Variants in STAG1 observed in about 807,000 individuals in gnomAD.
STAG1 encodes STAG1 cohesin complex component.
A neutral mutation model predicts 170.9 loss-of-function variants in STAG1; 26 were observed. The ratio of observed to expected loss-of-function variants is 0.15; its 90% CI spans 0.11 to 0.21. The LOEUF (loss-of-function observed/expected upper bound fraction) is 0.21. Among genes scored for constraint, STAG1 ranks in the 10% least tolerant of loss-of-function variants. The probability of loss-of-function intolerance (pLI) is 1.00; values close to 1 mark genes in which losing one functional copy is unlikely to be tolerated. For synonymous variants in STAG1, 514 were observed against 497.7 expected, an observed-to-expected ratio of 1.03 and a Z score of -0.44; for missense variants, 964 against 1,509.5, an observed-to-expected ratio of 0.64 and a Z score of 5.99.
intron 12 of STAG1, among the ~76,000 whole-genome samples, chr3:136,471,783 A>G (rs576645601): frequency 6.6e-6 from 1 of 152,196 alleles, no homozygotes; most frequent in African/African-American, 2.4e-5. Context: ...AAAGAAGCCT[A>G]TTTGGGAAAC....
chr3:136,674,779 A>G (rs1254988885), intron 1 of STAG1, among the ~76,000 whole-genome samples: 1 of 152,176 alleles, frequency 6.6e-6, no homozygotes, highest in East Asian at 1.9e-4. Flanking sequence ...TGTCAATTCT[A>G]ACTCAATAAA....
chr3:136,409,617 G>A (rs2087570645), intron 21 of STAG1, among the ~76,000 whole-genome samples: 1 of 152,092 alleles, frequency 6.6e-6, no homozygotes, highest in Non-Finnish European at 1.5e-5. Flanking sequence ...GATTACAGCT[G>A]TGAGTCACTG....
At chr3:136,615,795 GA>G (rs1243821857) in intron 3 of STAG1, among the ~76,000 whole-genome samples, 1 of 148,068 alleles carries the variant, frequency 6.8e-6, no homozygotes, top group Non-Finnish European at 1.5e-5. Context: ...AAAAGAAAAT[GA>G]AAAAAAAGAA....
intron 4 of STAG1, among the ~76,000 whole-genome samples, chr3:136,586,441 G>A (rs1005070782): frequency 1.1e-4 from 17 of 152,154 alleles, no homozygotes; most frequent in African/African-American, 3.9e-4. Context: ...TTAAAACCAC[G>A]TGTTTGAAAT....
At position 136,403,607 on chromosome 3, in the gene STAG1, G is replaced by T. The variant is rs182180541; in HGVS notation, c.2197-4778C>A. ...CTATCTGTTAAATTACTAGAAGAGTGATATATAAATTAATAGTAATCAATG... is the reference window on the plus strand; with the variant it reads ...CTATCTGTTAAATTACTAGAAGAGTTATATATAAATTAATAGTAATCAATG... On this transcript the variant is annotated intron_variant, in intron 21 of 33. Coordinates refer to ENST00000383202, the MANE Select transcript of STAG1 (RefSeq NM_005862.3). Among the ~76,000 whole-genome samples the T allele has an allele frequency of 3.1e-4, 47 of 152,178 alleles. 1 individual carries two copies. The highest frequency in any genetic ancestry group is 3.2e-4 in the Non-Finnish European group (22 of 68,006).
intron 10 of STAG1, 126 bp downstream of exon 10, chr3:136,477,162 CT>C: frequency 1.0e-6 from 1 of 992,900 alleles, no homozygotes. Flanking sequence ...AGTTATTCAG[CT>C]GCATCATCTT....
chr3:136,423,066 A>C, intron 16 of STAG1, 22 bp from the exon 17 acceptor site: 1 of 1,516,210 alleles, frequency 6.6e-7, no homozygotes, highest in Non-Finnish European at 9.1e-7. Flanking sequence ...ATCGGAAAAG[A>C]AGAAGAGTAT....
chr3:136,426,592 CACTT>C (rs999102623), intron 16 of STAG1, among the ~76,000 whole-genome samples: 1 of 152,178 alleles, frequency 6.6e-6, no homozygotes, highest in Admixed American at 6.5e-5. Flanking sequence ...CTCACACACA[CACTT>C]ACAGATTGTA....
intron 22 of STAG1, among the ~76,000 whole-genome samples, chr3:136,378,435 G>C (rs1438449428): frequency 6.6e-6 from 1 of 152,216 alleles, no homozygotes; most frequent in Non-Finnish European, 1.5e-5. Flanking sequence ...GCTCATGCCT[G>C]CAATCCCAGT....
intron 28 of STAG1, among the ~76,000 whole-genome samples, chr3:136,349,774 T>C (rs763069586): frequency 2.6e-4 from 40 of 152,168 alleles, no homozygotes; most frequent in Non-Finnish European, 4.7e-4. Context: ...AAAACAACAT[T>C]TTAACTAGTA....
rs114747734 is a variant in STAG1, at chr3:136,402,036, G to A, written c.2197-3207C>T. Among the ~76,000 whole-genome samples, 1,390 of 151,896 alleles carry A rather than the reference G, an allele frequency of 9.2e-3. 10 individuals are homozygous for A. Among genetic ancestry groups the A allele is most frequent in the Non-Finnish European group, 0.016 (1,105 of 67,924 alleles). On this transcript the variant is annotated intron_variant, in intron 21 of 33. Transcript: ENST00000383202. ...TGGGATTACAGGTGTGAGCCACCGC[G>A]CCCACCCAATATTCCATTATGTAAT...
intron 5 of STAG1, among the ~76,000 whole-genome samples, chr3:136,562,295 C>T (rs1293210092): frequency 6.7e-6 from 1 of 149,982 alleles, no homozygotes; most frequent in African/African-American, 2.5e-5. Context: ...AGTTTCGCTC[C>T]TGTTGCCCAG....
At chr3:136,688,921 G>T (rs2107894975) in intron 1 of STAG1, among the ~76,000 whole-genome samples, 1 of 152,248 alleles carries the variant, frequency 6.6e-6, no homozygotes, top group East Asian at 1.9e-4. Context: ...CATAAATTTT[G>T]CCAACTGGGT....
intron 1 of STAG1, among the ~76,000 whole-genome samples, chr3:136,632,711 A>G (rs1165820522): frequency 2.0e-5 from 3 of 152,262 alleles, no homozygotes; most frequent in Non-Finnish European, 4.4e-5. Flanking sequence ...TGCTACACGC[A>G]TGCCCAAGGC....
intron 27 of STAG1, among the ~76,000 whole-genome samples, chr3:136,358,276 G>A (rs1276645708): frequency 6.6e-6 from 1 of 151,878 alleles, no homozygotes; most frequent in Non-Finnish European, 1.5e-5. Context: ...GTAGAGATGG[G>A]GTTTCGCCAT....
At chr3:136,340,434 C>T in intron 32 of STAG1, 57 bp downstream of exon 32, 2 of 1,182,080 alleles carry the variant, frequency 1.7e-6, no homozygotes, top group Non-Finnish European at 2.5e-6. Context: ...AGAGGATCAT[C>T]TTACACCAAT....
intron 14 of STAG1, among the ~76,000 whole-genome samples, chr3:136,447,132 TAAG>T: frequency 6.6e-6 from 1 of 151,826 alleles, no homozygotes; most frequent in Non-Finnish European, 1.5e-5. Context: ...AAAATATCGA[TAAG>T]AAGCTGTCAA....
At chr3:136,529,750 T>C (rs774946375) in intron 6 of STAG1, among the ~76,000 whole-genome samples, 37 of 151,642 alleles carry the variant, frequency 2.4e-4, no homozygotes, top group Non-Finnish European at 4.4e-4. Context: ...ATGAGGAAGA[T>C]AAAATAATCA....
At chr3:136,750,814 T>C (rs1479729319) in intron 1 of STAG1, among the ~76,000 whole-genome samples, 1 of 152,262 alleles carries the variant, frequency 6.6e-6, no homozygotes, top group Non-Finnish European at 1.5e-5. Context: ...CATATTTCCC[T>C]ACTTGGTTAA....
Sources: allele counts gnomAD v4.1 joint callset (sites outside exome capture counted in the v4.1 genomes callset), GRCh38; gene constraint gnomAD v4.1.1; transcripts MANE v1.5; gene names NCBI Gene and HGNC (gene_info 2026-07-23, HGNC 2026-07-21).